The following PCDH15 variants were observed in gnomAD, a reference collection of about 807,000 sequenced individuals.
PCDH15 encodes the protein protocadherin-15.
PCDH15 carries 129 observed loss-of-function variants against 178.5 expected under a neutral mutation model. The ratio of observed to expected loss-of-function variants is 0.72; its 90% confidence interval spans 0.63 to 0.84. The LOEUF (loss-of-function observed/expected upper bound fraction) is 0.84. Ranked by LOEUF, PCDH15 falls within the 40% of genes least tolerant of loss-of-function variation. PCDH15 has a pLI of 0.00. For synonymous variants in PCDH15, 800 were observed against 732.0 expected (o/e 1.09, Z -1.50); for missense variants, 2,230 against 2,099.9 (o/e 1.06, Z -1.21).
At chr10:54,321,335 A>T (rs976480793) in intron 7 of PCDH15, among the ~76,000 whole-genome samples, 8 of 150,350 alleles carry the variant, frequency 5.3e-5, no homozygotes, top group African/African-American at 1.9e-4. Flanking sequence ...CCCACCATTT[A>T]AAATAATGAT....
chr10:54,761,597 C>T (rs565845628), intron 1 of PCDH15, among the ~76,000 whole-genome samples: 11 of 152,088 alleles, frequency 7.2e-5, no homozygotes, highest in African/African-American at 2.7e-4. Context: ...ACAGGAAAAT[C>T]GCTTGAACCT....
intron 21 of PCDH15, among the ~76,000 whole-genome samples, chr10:53,984,606 AT>A (rs1424667187): frequency 1.3e-5 from 2 of 152,158 alleles, no homozygotes; most frequent in Non-Finnish European, 2.9e-5. Context: ...ATCTTGAGGA[AT>A]TTTTATTGTG....
intron 10 of PCDH15, among the ~76,000 whole-genome samples, chr10:54,196,294 C>T (rs373778188): frequency 6.6e-6 from 1 of 152,068 alleles, no homozygotes; most frequent in African/African-American, 2.4e-5. Flanking sequence ...AGGCGCCCAC[C>T]ACCACGCATG....
chr10:54,171,864 C>A (rs2046944468), intron 13 of PCDH15, among the ~76,000 whole-genome samples: 1 of 151,424 alleles, frequency 6.6e-6, no homozygotes, highest in South Asian at 2.1e-4. Flanking sequence ...CACAATATCA[C>A]CCCTTACCAC....
intron 23 of PCDH15, 123 bp from the exon 24 acceptor site, chr10:53,941,098 C>A: frequency 1.5e-6 from 1 of 684,480 alleles, no homozygotes; most frequent in Non-Finnish European, 2.6e-6. Flanking sequence ...CTCACACATT[C>A]ATGGCCTCCT....
intron 2 of PCDH15, among the ~76,000 whole-genome samples, chr10:55,076,628 T>A (rs1036976704): frequency 5.3e-5 from 8 of 151,654 alleles, no homozygotes; most frequent in Admixed American, 2.0e-4. Flanking sequence ...TATTATTATT[T>A]TTGGTCTTTT....
At position 53,998,182 on chromosome 10, in the gene PCDH15, T is replaced by C. The variant is rs143527889; in HGVS notation, c.2752-2417A>G. On this transcript the variant is annotated intron_variant, in intron 20 of 37. Coordinates refer to ENST00000644397, the MANE Select transcript of PCDH15 (RefSeq NM_001384140.1). Reference sequence around the variant, plus strand: ...GGTAGTATTAGCAAAAAGAAATATTTCCTCCTCTGTAGTTAAGAATTGTAT... The same window carrying C: ...GGTAGTATTAGCAAAAAGAAATATTCCCTCCTCTGTAGTTAAGAATTGTAT... Among the ~76,000 whole-genome samples, 7 of 152,288 alleles carry C rather than the reference T, an allele frequency of 4.6e-5. No homozygotes were observed. The East Asian group carries it at 1.4e-3, about 29-fold the overall frequency.
rs888211545 is a variant in PCDH15, at chr10:54,274,567, T to C, written c.877-37636A>G. 2.0e-5 allele frequency among the ~76,000 whole-genome samples: 3 copies of C among 151,546 alleles called. No individual in the cohort carries two copies. The South Asian group carries it at 6.2e-4, about 32-fold the overall frequency. On this transcript the variant is annotated intron_variant, in intron 8 of 37. Transcript: ENST00000644397. ...AGCAGCCAACACTATGCGATGAAAA[T>C]TTTTTGGTGGGTATAAATGCCTTTG...
At chr10:54,655,300 G>A (rs192121404) in intron 2 of PCDH15, among the ~76,000 whole-genome samples, 1,995 of 110,904 alleles carry the variant, frequency 0.018, 51 homozygotes, top group African/African-American at 0.058. Flanking sequence ...GAGAGAGAGA[G>A]AGACAGAGAG....
chr10:53,932,225 A>G (rs1456388375), intron 25 of PCDH15, among the ~76,000 whole-genome samples: 2 of 152,196 alleles, frequency 1.3e-5, no homozygotes, highest in African/African-American at 4.8e-5. Flanking sequence ...CTTTTGCAGT[A>G]TCATCACTCC....
chr10:55,204,895 C>G (rs998089515), intron 1 of PCDH15, among the ~76,000 whole-genome samples: 1 of 152,078 alleles, frequency 6.6e-6, no homozygotes, highest in African/African-American at 2.4e-5. Context: ...GAGACCCACA[C>G]AGTTATATTA....
chr10:55,095,807 C>T (rs1842436430), intron 2 of PCDH15, among the ~76,000 whole-genome samples: 1 of 152,014 alleles, frequency 6.6e-6, no homozygotes, highest in East Asian at 1.9e-4. Flanking sequence ...CACAGGAAGT[C>T]ATATAATATC....
chr10:54,069,261 C>T (rs1486831589), intron 17 of PCDH15, among the ~76,000 whole-genome samples: 2 of 152,118 alleles, frequency 1.3e-5, no homozygotes, highest in South Asian at 2.1e-4. Context: ...CCTGTCTTTA[C>T]CTGTCAATCC....
intron 13 of PCDH15, among the ~76,000 whole-genome samples, chr10:54,155,630 A>G (rs915782787): frequency 6.6e-6 from 1 of 152,034 alleles, no homozygotes; most frequent in Non-Finnish European, 1.5e-5. Context: ...CTGAATACCC[A>G]AATCATAATA....
At chr10:54,696,233 G>A (rs908824933) in intron 1 of PCDH15, among the ~76,000 whole-genome samples, 6 of 152,020 alleles carry the variant, frequency 3.9e-5, no homozygotes, top group Non-Finnish European at 5.9e-5. Context: ...GAATGACTTC[G>A]AGAGGTTAAG....
intron 2 of PCDH15, among the ~76,000 whole-genome samples, chr10:54,957,805 C>A (rs1838527481): frequency 6.6e-6 from 1 of 151,692 alleles, no homozygotes; most frequent in Non-Finnish European, 1.5e-5. Flanking sequence ...CAGAATATGA[C>A]ATCCCAAAAT....
intron 2 of PCDH15, among the ~76,000 whole-genome samples, chr10:54,904,147 C>T (rs1954683111): frequency 6.6e-6 from 1 of 152,100 alleles, no homozygotes; most frequent in African/African-American, 2.4e-5. Flanking sequence ...AACTAAAAAT[C>T]ATTGGTTGAT....
At chr10:55,461,109 A>G (rs893376074) in intron 2 of PCDH15, among the ~76,000 whole-genome samples, 2 of 152,118 alleles carry the variant, frequency 1.3e-5, no homozygotes, top group South Asian at 4.1e-4. Context: ...AGCTTTAGGT[A>G]GTTTTCTCAG....
chr10:54,243,971 G>C (rs10825283), intron 8 of PCDH15, among the ~76,000 whole-genome samples: 88,611 of 151,840 alleles, frequency 0.58, 28,274 homozygotes, highest in Middle Eastern at 0.72. Context: ...TCCTCAAATG[G>C]TTTTGACAAT....
Sources: gnomAD v4.1 joint callset for allele counts (sites outside exome capture counted in the v4.1 genomes callset) on GRCh38, gnomAD v4.1.1 for gene constraint, MANE v1.5 for transcripts, NCBI Gene and HGNC (gene_info 2026-07-23, HGNC 2026-07-21) for gene names.